RICTOR: variants seen among roughly 807,000 people sequenced by gnomAD.
RICTOR encodes the protein RPTOR independent companion of MTOR complex 2.
Under a neutral mutation model 214.9 loss-of-function variants are expected in RICTOR, and 49 were observed. The observed-to-expected ratio is 0.23, with a 90% CI of 0.18 to 0.29. RICTOR has a LOEUF of 0.29. Among genes scored for constraint, RICTOR ranks in the 10% least tolerant of loss-of-function variants. The pLI, the probability that RICTOR is intolerant of heterozygous loss-of-function variation, is 1.00. For synonymous variants in RICTOR, 717 were observed against 711.3 expected (o/e 1.01, Z -0.13); for missense variants, 1,625 against 2,047.0 (o/e 0.79, Z 3.98).
chr5:38,990,457 C>G (rs752085218), intron 7 of RICTOR, among the ~76,000 whole-genome samples: 1 of 147,692 alleles, frequency 6.8e-6, no homozygotes, highest in Admixed American at 6.8e-5. Flanking sequence ...ACATTCTGCA[C>G]GTGTATCCCA....
At position 38,952,973 on chromosome 5, in the gene RICTOR, TAAATGA is replaced by T; in HGVS notation, c.2897+6_2897+11del. The T allele has an allele frequency of 6.6e-7, 1 of 1,510,976 alleles. No homozygotes were observed. The highest frequency in any genetic ancestry group is 2.3e-5 in the East Asian group (1 of 44,142). 93.6% of individuals were successfully genotyped at this position (1,510,976 alleles called of 1,614,324 possible). ...GTCTACATTAGAAAGATTTCTGAGT[TAAATGA>T]CCTACCCTCTGATGGAAAGAACTTC... On this transcript the variant is annotated splice_donor_region_variant and intron_variant, in intron 29 of 37. Coordinates refer to ENST00000357387, the MANE Select transcript of RICTOR (RefSeq NM_152756.5).
At position 39,060,748 on chromosome 5, in the gene RICTOR, T is replaced by G. The variant is rs1277253293; in HGVS notation, c.97+13363A>C. On this transcript the variant is annotated intron_variant, in intron 2 of 37. Coordinates refer to ENST00000357387, the MANE Select transcript of RICTOR (RefSeq NM_152756.5). ...TAACCTGGTTCCTGGGGGTTCCAAA[T>G]CAATACTCTACAATACATAGAATAC... Among the ~76,000 whole-genome samples, 5 of 151,986 alleles carry G rather than the reference T, an allele frequency of 3.3e-5. No homozygotes were observed. In the East Asian group the frequency reaches 9.6e-4, roughly 29 times the overall value.
At chr5:38,991,262 T>C (rs966365929) in intron 6 of RICTOR, among the ~76,000 whole-genome samples, 187 bp from the exon 7 acceptor site, 6 of 152,188 alleles carry the variant, frequency 3.9e-5, no homozygotes, top group African/African-American at 1.4e-4. Flanking sequence ...CAAATGTTAA[T>C]AGCCATTACT....
intron 2 of RICTOR, among the ~76,000 whole-genome samples, chr5:39,049,786 CAGA>C (rs1757726131): frequency 1.3e-5 from 2 of 151,986 alleles, no homozygotes; most frequent in Admixed American, 1.3e-4. Flanking sequence ...ACACTGCTAG[CAGA>C]AGAATTAATG....
intron 3 of RICTOR, among the ~76,000 whole-genome samples, chr5:39,009,624 A>G (rs1281433179): frequency 1.3e-5 from 2 of 152,148 alleles, no homozygotes; most frequent in East Asian, 1.9e-4. Flanking sequence ...TAACCATTCA[A>G]TAATGGTTAA....
chr5:38,978,754 T>C, intron 8 of RICTOR, 104 bp from the exon 9 acceptor site: 3 of 546,070 alleles, frequency 5.5e-6, no homozygotes, highest in Non-Finnish European at 6.3e-6. Context: ...TTAATGGGTT[T>C]ACTGCTTGGG....
rs1278462961 is a variant in RICTOR, at chr5:38,941,691, A to C, written c.*613T>G. The C allele has an allele frequency of 1.7e-5, 4 of 232,276 alleles. No individual in the cohort carries two copies. The highest frequency in any genetic ancestry group is 3.4e-5 in the Non-Finnish European group (4 of 117,272). The allele number at this position is 232,276 out of a possible 1,614,324, so 14.4% of individuals were successfully genotyped here. On this transcript the variant is annotated 3_prime_UTR_variant, in exon 38 of 38. Transcript: ENST00000357387. ...AATCTTTATGCAAGTCTAGTAACATAAAAATAACTTATAAGTCCCGGGTTG... is the reference window on the plus strand; with the variant it reads ...AATCTTTATGCAAGTCTAGTAACATCAAAATAACTTATAAGTCCCGGGTTG...
intron 2 of RICTOR, among the ~76,000 whole-genome samples, chr5:39,034,106 T>G (rs16867993): frequency 0.025 from 3,850 of 152,328 alleles, 73 homozygotes; most frequent in South Asian, 0.082. Context: ...TCTGTACCTT[T>G]GGATAAGTTA....
intron 3 of RICTOR, among the ~76,000 whole-genome samples, chr5:39,017,368 G>A (rs1193235991): frequency 6.6e-6 from 1 of 152,034 alleles, no homozygotes; most frequent in African/African-American, 2.4e-5. Flanking sequence ...ACTAGAAGAT[G>A]CATTTTGCAA....
At chr5:39,067,387 C>T (rs1174157100) in intron 2 of RICTOR, among the ~76,000 whole-genome samples, 1 of 152,128 alleles carries the variant, frequency 6.6e-6, no homozygotes, top group Non-Finnish European at 1.5e-5. Flanking sequence ...ATTCCCATGG[C>T]CCAAACACCT....
At chr5:39,027,507 T>C (rs1004150075) in intron 2 of RICTOR, among the ~76,000 whole-genome samples, 1 of 152,110 alleles carries the variant, frequency 6.6e-6, no homozygotes, top group Non-Finnish European at 1.5e-5. Context: ...TAAATGTAAG[T>C]GTAATGTGTT....
At position 38,974,389 on chromosome 5, in the gene RICTOR, T is replaced by TA. The variant is rs200413582; in HGVS notation, c.889+1147dup. Among the ~76,000 whole-genome samples, 1,062 of 150,624 alleles carry TA rather than the reference T, an allele frequency of 7.1e-3. 5 individuals are homozygous for TA. Among genetic ancestry groups the TA allele is most frequent in the Middle Eastern group, 0.01 (3 of 292 alleles). On this transcript the variant is annotated intron_variant, in intron 10 of 37. Coordinates refer to ENST00000357387, the MANE Select transcript of RICTOR (RefSeq NM_152756.5). ...GGCTCCAGGGGAAATTGAAACACAG[T>TA]AAAAAAAAATGTTTAAGAGCAATAA...
chr5:38,948,251 C>T (rs180723551), intron 31 of RICTOR, among the ~76,000 whole-genome samples: 8 of 152,148 alleles, frequency 5.3e-5, no homozygotes, highest in African/African-American at 7.2e-5. Flanking sequence ...TTAAAATGTA[C>T]GAATGCAGCC....
In RICTOR at chr5:39,047,984, T is replaced by G. The variant is rs376467213; in HGVS notation, c.97+26127A>C. The stretch of plus-strand genomic sequence containing the variant: ...AAACCATATTGCCCCAGAAATAGTT[T>G]GTCAACACAAAGAATTTAACCACAA... On this transcript the variant is annotated intron_variant, in intron 2 of 37. Transcript: ENST00000357387. Among the ~76,000 whole-genome samples the G allele has an allele frequency of 2.6e-5, 4 of 152,342 alleles. No homozygotes were observed. In the South Asian group the frequency reaches 6.2e-4, roughly 24 times the overall value.
At chr5:38,982,942 T>C (rs944149302) in intron 7 of RICTOR, among the ~76,000 whole-genome samples, 4 of 152,110 alleles carry the variant, frequency 2.6e-5, no homozygotes, top group Admixed American at 1.3e-4. Flanking sequence ...TCCAGAAAAT[T>C]TTAGAATCAA....
At chr5:39,016,198 T>C (rs949797925) in intron 3 of RICTOR, among the ~76,000 whole-genome samples, 3 of 151,980 alleles carry the variant, frequency 2.0e-5, no homozygotes, top group African/African-American at 7.3e-5. Flanking sequence ...ATGAAAATCA[T>C]TTTAAAAAGG....
intron 2 of RICTOR, among the ~76,000 whole-genome samples, chr5:39,068,487 G>C (rs929018083): frequency 3.3e-5 from 5 of 152,148 alleles, no homozygotes; most frequent in African/African-American, 1.2e-4. Flanking sequence ...AATCAAAAAA[G>C]GCCTTGAATG....
At chr5:39,068,579 T>C (rs1051467078) in intron 2 of RICTOR, among the ~76,000 whole-genome samples, 33 of 152,232 alleles carry the variant, frequency 2.2e-4, no homozygotes, top group Non-Finnish European at 4.3e-4. Context: ...TTTGTTTTTT[T>C]ATTTAAGAGA....
chr5:39,004,765 C>A (rs1007278790), intron 3 of RICTOR, among the ~76,000 whole-genome samples: 1 of 149,496 alleles, frequency 6.7e-6, no homozygotes, highest in African/African-American at 2.4e-5. Context: ...CCGCACTGGG[C>A]CTCTCAGACT....
Sources: allele counts gnomAD v4.1 joint callset (sites outside exome capture counted in the v4.1 genomes callset), GRCh38; gene constraint gnomAD v4.1.1; transcripts MANE v1.5; gene names NCBI Gene and HGNC (gene_info 2026-07-23, HGNC 2026-07-21).